Variants in KYAT1 observed in about 807,000 individuals in gnomAD.
KYAT1 encodes kynurenine--oxoglutarate transaminase 1.
Under a neutral mutation model 52.4 loss-of-function variants are expected in KYAT1, and 47 were observed. That is an observed-to-expected ratio of 0.90 (90% CI 0.71 to 1.14). KYAT1 has a LOEUF of 1.14. Among genes scored for constraint, KYAT1 ranks in the 50% most tolerant of loss-of-function variants. The pLI is 0.00. For synonymous variants in KYAT1, 212 were observed against 209.6 expected (o/e 1.01, Z -0.10); for missense variants, 480 against 557.9 (o/e 0.86, Z 1.41).
In KYAT1 at chr9:128,835,441, C is replaced by T. The variant is rs1399661061; in HGVS notation, c.1043-39G>A. ...GCCACACTGAGCCCCCTGCAGCCTC[C>T]AGCCCCTGCGCCCTGCCCAGACCGG... On this transcript the variant is annotated intron_variant, in intron 10 of 12. Transcript: ENST00000302586. 3.7e-6 allele frequency: 6 copies of T among 1,613,624 alleles called. No homozygotes were observed. In the African/African-American group the frequency reaches 4.0e-5, roughly 11 times the overall value.
chr9:128,847,305 T>C lies in KYAT1; in HGVS notation c.-6-1894A>G, dbSNP rs150190508. 1.2e-3 allele frequency: 730 copies of C among 621,662 alleles called. 3 individuals carry two copies. The highest frequency in any genetic ancestry group is 0.012 in the African/African-American group (627 of 54,472). The allele number at this position is 621,662 out of a possible 1,614,324, so 38.5% of individuals were successfully genotyped here. A position where few individuals can be genotyped will look rare whatever the true frequency, so the allele number is the denominator to read the frequency against. ...AGCAGGGGCAAGGGAGAAGCCCACA[T>C]ACAGGCTGCAGTTAAAGAGGGCTCC... On this transcript the variant is annotated intron_variant, in intron 1 of 12. Transcript: ENST00000302586.
intron 1 of KYAT1, among the ~76,000 whole-genome samples, chr9:128,860,962 CG>C (rs1835387657): frequency 6.6e-6 from 1 of 152,122 alleles, no homozygotes; most frequent in South Asian, 2.1e-4. Context: ...CACAGATCAC[CG>C]TGTCAGACAT....
chr9:128,880,194 T>C (rs2130875414), intron 1 of KYAT1, among the ~76,000 whole-genome samples: 1 of 152,268 alleles, frequency 6.6e-6, no homozygotes, highest in South Asian at 2.1e-4. Context: ...AGGCCCACAG[T>C]CCACAGGTTG....
intron 3 of KYAT1, among the ~76,000 whole-genome samples, chr9:128,841,494 C>T (rs1439534452): frequency 6.6e-6 from 1 of 151,768 alleles, no homozygotes; most frequent in Non-Finnish European, 1.5e-5. Flanking sequence ...GCACTCCAGA[C>T]TCCAGCCGGG....
At chr9:128,847,365 AG>A (rs2119199068) in intron 1 of KYAT1, 2 of 1,074,070 alleles carry the variant, frequency 1.9e-6, no homozygotes, top group South Asian at 1.4e-5. Flanking sequence ...CTTTGAAGCC[AG>A]GAACGAGCCA....
At chr9:128,852,938 A>G (rs1421831100) in intron 1 of KYAT1, among the ~76,000 whole-genome samples, 3 of 152,200 alleles carry the variant, frequency 2.0e-5, no homozygotes, top group Non-Finnish European at 4.4e-5. Flanking sequence ...TAGATCATTT[A>G]GCCCCACTCC....
chr9:128,879,620 A>G (rs1289148960), intron 1 of KYAT1, among the ~76,000 whole-genome samples: 5 of 152,188 alleles, frequency 3.3e-5, no homozygotes, highest in Non-Finnish European at 7.3e-5. Flanking sequence ...TCAGTTTCTT[A>G]GTGGACACCA....
chr9:128,840,575 A>G (rs959914712), intron 3 of KYAT1: 6 of 424,044 alleles, frequency 1.4e-5, no homozygotes, highest in African/African-American at 2.1e-5. Flanking sequence ...AAAGAAAAAA[A>G]AAAGAAAGAA....
At chr9:128,865,387 A>T (rs1836228922) in intron 1 of KYAT1, among the ~76,000 whole-genome samples, 5 of 75,192 alleles carry the variant, frequency 6.6e-5, no homozygotes, top group South Asian at 8.9e-4. Context: ...TTTGAGACAG[A>T]GTTTCGCTCT....
At chr9:128,852,168 T>C (rs1834036596) in intron 1 of KYAT1, among the ~76,000 whole-genome samples, 1 of 152,176 alleles carries the variant, frequency 6.6e-6, no homozygotes, top group African/African-American at 2.4e-5. Flanking sequence ...AGAATTCTCC[T>C]GTGTTTGTAA....
intron 1 of KYAT1, among the ~76,000 whole-genome samples, chr9:128,879,106 A>C (rs903264658): frequency 6.6e-6 from 1 of 152,114 alleles, no homozygotes; most frequent in South Asian, 2.1e-4. Flanking sequence ...GTCAGGAGAT[A>C]GAGACCATCC....
intron 1 of KYAT1, among the ~76,000 whole-genome samples, chr9:128,856,773 C>A (rs372859987): frequency 6.6e-6 from 1 of 152,248 alleles, no homozygotes; most frequent in Non-Finnish European, 1.5e-5. Context: ...CCGCACGGAC[C>A]TCTGCCTTGG....
chr9:128,838,218 C>T lies in KYAT1; in HGVS notation c.351G>A (p.Glu117=). The T allele has an allele frequency of 3.1e-6, 5 of 1,614,246 alleles. No homozygotes were observed. Among genetic ancestry groups the T allele is most frequent in the Non-Finnish European group, 4.2e-6 (5 of 1,180,046 alleles). ...AFQALVDEGD[E]VIIIEPFFDC... is the part of the protein sequence containing the mutation. ...CTCAGCCCAAGTCTTGCCCACTCAC[C>T]TCGTCTCCTTCGTCCACCAGGGCCT... The change falls in exon 4 of 13, where the codon GAG becomes GAA. Residue 117 remains glutamate, a splice_region_variant and synonymous_variant. Transcript: ENST00000302586.
intron 5 of KYAT1, 29 bp from the exon 6 acceptor site, chr9:128,837,842 C>A: frequency 6.2e-7 from 1 of 1,611,884 alleles, no homozygotes; most frequent in East Asian, 2.2e-5. Context: ...TGGGGTGGTA[C>A]CACTTAACCA....
chr9:128,849,883 CTTT>C (rs537211110), intron 1 of KYAT1, among the ~76,000 whole-genome samples: 1 of 91,952 alleles, frequency 1.1e-5, no homozygotes, highest in Non-Finnish European at 1.9e-5. Flanking sequence ...TTATTTTCTT[CTTT>C]TTTTTTTTTT....
At chr9:128,870,994 G>A (rs1354133084) in intron 1 of KYAT1, among the ~76,000 whole-genome samples, 1 of 149,504 alleles carries the variant, frequency 6.7e-6, no homozygotes. Context: ...AAGGGTTGAA[G>A]AACAATATAA....
chr9:128,875,923 A>G (rs146829470), intron 1 of KYAT1, among the ~76,000 whole-genome samples: 380 of 152,250 alleles, frequency 2.5e-3, no homozygotes, highest in African/African-American at 8.8e-3. Context: ...TCACTGATGC[A>G]TTCCAGGGGC....
In KYAT1 at chr9:128,835,354, C is replaced by T. The variant is rs974563685; in HGVS notation, c.1091G>A (p.Arg364Lys). 1 of 1,613,906 alleles carries T rather than the reference C, an allele frequency of 6.2e-7. No homozygotes were observed. Among genetic ancestry groups the T allele is most frequent in the Non-Finnish European group, 8.5e-7 (1 of 1,180,012 alleles). Residue 364 changes from arginine (R) to lysine (K), a missense_variant, in exon 11 of 13, where the codon AGA becomes AAA. Physicochemically the swap from Arg to Lys is conservative, Grantham distance 26 (BLOSUM62 2). Transcript: ENST00000302586. ...LPGAVDEPYDRRFVKWMIKNK... is the reference protein window; with the variant it reads ...LPGAVDEPYDKRFVKWMIKNK... ...CTTGATCATCCACTTGACGAAGCGT[C>T]TGTCATAGGGCTCATCCACAGCTCC... is the stretch of plus-strand genomic sequence containing the variant.
intron 1 of KYAT1, among the ~76,000 whole-genome samples, chr9:128,856,975 T>G (rs997820726): frequency 1.3e-5 from 2 of 152,218 alleles, no homozygotes; most frequent in African/African-American, 4.8e-5. Context: ...CCCTGGGAAC[T>G]GAATGTCTCG....
Sources: allele counts gnomAD v4.1 joint callset (sites outside exome capture counted in the v4.1 genomes callset), GRCh38; gene constraint gnomAD v4.1.1; transcripts MANE v1.5; gene names NCBI Gene and HGNC (gene_info 2026-07-23, HGNC 2026-07-21).